PUDP: variants seen among roughly 807,000 people sequenced by gnomAD.
The protein encoded by PUDP is pseudouridine-5'-phosphatase.
PUDP carries 8 observed loss-of-function variants against 9.4 expected under a neutral mutation model. The observed-to-expected ratio is 0.85, with a 90% CI of 0.50 to 1.53. PUDP has a LOEUF of 1.53. PUDP is among the 40% of genes most tolerant of loss of function. The pLI, the probability that PUDP is intolerant of heterozygous loss-of-function variation, is 0.00. For missense variants in PUDP, 188 were observed against 189.7 expected, an observed-to-expected ratio of 0.99 and a Z score of 0.05; for synonymous variants, 99 against 80.7, an observed-to-expected ratio of 1.23 and a Z score of -1.22.
chrX:6,719,944 C>G (rs1199168586), intron 1 of PUDP, among the ~76,000 whole-genome samples: 1 of 110,077 alleles, frequency 9.1e-6, no homozygotes. Flanking sequence ...GATGATCCAG[C>G]AATCCCACTT....
At chrX:6,738,232 C>A (rs1483193200) in intron 3 of PUDP, among the ~76,000 whole-genome samples, 8 of 111,820 alleles carry the variant, frequency 7.2e-5, no homozygotes, top group South Asian at 7.6e-4. Context: ...CACACAGTTT[C>A]TAGAACTGAG....
intron 2 of PUDP, among the ~76,000 whole-genome samples, chrX:7,082,407 A>G (rs1253954852): frequency 8.9e-6 from 1 of 112,600 alleles, no homozygotes; most frequent in Non-Finnish European, 1.9e-5. Context: ...AGAACCCTAC[A>G]AGCCTGAACA....
chrX:6,763,826 G>T (rs188099730), intron 3 of PUDP, among the ~76,000 whole-genome samples: 12 of 111,974 alleles, frequency 1.1e-4, no homozygotes, highest in African/African-American at 3.9e-4. Flanking sequence ...TAGAAAAGCA[G>T]AAAAGGCATA....
chrX:6,863,059 G>A (rs1359859867), intron 3 of PUDP, among the ~76,000 whole-genome samples: 2 of 111,400 alleles, frequency 1.8e-5, no homozygotes, highest in African/African-American at 6.5e-5. Context: ...TATTATTTTA[G>A]AGAAGGAGTC....
At chrX:6,909,439 C>T (rs985453438) in intron 3 of PUDP, among the ~76,000 whole-genome samples, 6 of 111,907 alleles carry the variant, frequency 5.4e-5, no homozygotes, top group African/African-American at 1.9e-4. Flanking sequence ...TTGTCCAAAT[C>T]CATTTCACCT....
intron 3 of PUDP, among the ~76,000 whole-genome samples, chrX:6,743,177 T>C (rs1924959787): frequency 1.8e-5 from 2 of 112,344 alleles, no homozygotes; most frequent in Non-Finnish European, 3.7e-5. Flanking sequence ...AGCTCAAGCC[T>C]GCTTTGCTCT....
rs184913116 is a variant in PUDP at position 7,128,917 on chromosome X, T to A, written c.61+19136A>T. Among the ~76,000 whole-genome samples, 724 of 111,851 alleles carry A rather than the reference T, an allele frequency of 6.5e-3. 4 individuals are homozygous for A. The highest frequency in any genetic ancestry group is 0.02 in the South Asian group (54 of 2,638). ...AATAAGCAAGAATTCGTATTTTTTA[T>A]ATGAGATTATAAATCTCCAGCCCAA... On this transcript the variant is annotated intron_variant, in intron 1 of 3. Coordinates refer to ENST00000381077, the MANE Select transcript of PUDP (RefSeq NM_012080.5).
intron 3 of PUDP, among the ~76,000 whole-genome samples, chrX:6,830,552 C>T (rs770066805): frequency 2.7e-5 from 3 of 111,866 alleles, no homozygotes; most frequent in African/African-American, 9.7e-5. Flanking sequence ...AAACCATTAT[C>T]GAATATCTAA....
chrX:6,920,132 C>G (rs1927999534), intron 3 of PUDP, among the ~76,000 whole-genome samples: 3 of 109,534 alleles, frequency 2.7e-5, no homozygotes, highest in Admixed American at 9.9e-5. Context: ...ACTCCACCCC[C>G]TTGCTATCAA....
intron 3 of PUDP, among the ~76,000 whole-genome samples, chrX:6,790,850 C>A (rs1925733725): frequency 8.9e-6 from 1 of 112,148 alleles, no homozygotes; most frequent in African/African-American, 3.2e-5. Context: ...GAGTTACACA[C>A]ATGTGAGCAT....
intron 2 of PUDP, among the ~76,000 whole-genome samples, chrX:7,078,104 T>C (rs937401795): frequency 4.5e-5 from 5 of 111,612 alleles, no homozygotes; most frequent in Non-Finnish European, 9.4e-5. Flanking sequence ...AAGAGCATCC[T>C]CACACTGTCA....
chrX:7,115,762 C>T (rs1932176115), intron 1 of PUDP, among the ~76,000 whole-genome samples: 1 of 112,537 alleles, frequency 8.9e-6, no homozygotes, highest in African/African-American at 3.2e-5. Flanking sequence ...AGCACAGAGC[C>T]CAGATCCTGT....
rs746280100 is a variant in PUDP, at chrX:7,077,341, A to G, written c.389T>C (p.Phe130Ser). The change falls in exon 3 of 4, where the codon TTC (phenylalanine) becomes TCC (serine). Residue 130 changes from phenylalanine to serine, a missense_variant. By Grantham distance (155) the Phe-to-Ser change is radical. Transcript: ENST00000381077. ...CACAATGTGGGAAAACAAGCTGAAGAACTCCTTGTGGCGGCTTGTCTTCAT... is the reference window on the plus strand; with the variant it reads ...CACAATGTGGGAAAACAAGCTGAAGGACTCCTTGTGGCGGCTTGTCTTCAT... ...FDMKTSRHKE[F>S]FSLFSHIVLG... The G allele has an allele frequency of 2.1e-5, 25 of 1,211,147 alleles. No individual in the cohort carries two copies. The highest frequency in any genetic ancestry group is 2.8e-5 in the Non-Finnish European group (25 of 895,156).
chrX:6,845,985 A>G (rs1369658719), intron 3 of PUDP, among the ~76,000 whole-genome samples: 2 of 112,048 alleles, frequency 1.8e-5, no homozygotes, highest in African/African-American at 6.5e-5. Context: ...CAGCACTTCA[A>G]TAGAGTAATT....
intron 3 of PUDP, among the ~76,000 whole-genome samples, chrX:6,811,075 C>T (rs750760555): frequency 2.7e-5 from 3 of 111,626 alleles, no homozygotes; most frequent in Non-Finnish European, 3.8e-5. Flanking sequence ...CACTAAGAAC[C>T]CCTTGCTGCT....
intron 3 of PUDP, among the ~76,000 whole-genome samples, chrX:6,763,679 G>A (rs1925253452): frequency 9.0e-6 from 1 of 111,509 alleles, no homozygotes; most frequent in South Asian, 3.8e-4. Flanking sequence ...GGTTTTTGTT[G>A]TTTTTGCTGT....
chrX:6,907,425 A>G (rs148448003), intron 3 of PUDP, among the ~76,000 whole-genome samples: 20 of 111,685 alleles, frequency 1.8e-4, no homozygotes, highest in African/African-American at 6.5e-4. Context: ...TGTTTCCTTC[A>G]TGAGCCGCTC....
At chrX:7,000,725 G>T (rs1272465686) in intron 1 of PUDP, among the ~76,000 whole-genome samples, 1 of 108,427 alleles carries the variant, frequency 9.2e-6, no homozygotes, top group East Asian at 2.9e-4. Context: ...ATTTGATAAG[G>T]TCACTATTTA....
intron 1 of PUDP, among the ~76,000 whole-genome samples, chrX:7,015,993 C>A (rs1199821765): frequency 2.7e-5 from 3 of 109,883 alleles, no homozygotes; most frequent in Admixed American, 9.8e-5. Context: ...TAGGACCCGT[C>A]ATGGGGAAGA....
Sources: gnomAD v4.1 joint callset for allele counts (sites outside exome capture counted in the v4.1 genomes callset) on GRCh38, gnomAD v4.1.1 for gene constraint, MANE v1.5 for transcripts, NCBI Gene and HGNC (gene_info 2026-07-23, HGNC 2026-07-21) for gene names.